Variants in BCAR1 observed in about 807,000 individuals in gnomAD.
The protein encoded by BCAR1 is breast cancer anti-estrogen resistance protein 1.
A neutral mutation model predicts 67.6 loss-of-function variants in BCAR1; 30 were observed. The ratio of observed to expected loss-of-function variants is 0.44; its 90% confidence interval spans 0.33 to 0.60. BCAR1 has a LOEUF of 0.60. BCAR1 is among the 20% of genes least tolerant of loss of function. The probability of loss-of-function intolerance (pLI) is 0.02; values close to 1 mark genes in which losing one functional copy is unlikely to be tolerated. For missense variants in BCAR1, 1,313 were observed against 1,222.3 expected (o/e 1.07, Z -1.11); for synonymous variants, 626 against 556.7 (o/e 1.12, Z -1.75).
intron 2 of BCAR1, chr16:75,237,951 T>C (rs2077200287): frequency 9.6e-7 from 1 of 1,046,706 alleles, no homozygotes; most frequent in South Asian, 1.4e-5. Context: ...GCGCAGCAGC[T>C]GGGACCAAGG....
chr16:75,243,468 G>T, intron 1 of BCAR1: 1 of 551,894 alleles, frequency 1.8e-6, no homozygotes, highest in Non-Finnish European at 3.5e-6. Context: ...AAAACAAATA[G>T]CAAATGGTTC....
At chr16:75,251,975 G>T, upstream of BCAR1, 1 of 602,310 alleles carries the variant, frequency 1.7e-6, no homozygotes, top group Non-Finnish European at 2.9e-6. Flanking sequence ...TTCCTCCAGA[G>T]CCGAGACATG....
intron 2 of BCAR1, among the ~76,000 whole-genome samples, chr16:75,241,693 T>C (rs1367785910): frequency 2.0e-5 from 3 of 152,138 alleles, no homozygotes; most frequent in African/African-American, 7.2e-5. Context: ...AGGCCACCCA[T>C]GGGCGGGGGT....
At chr16:75,256,444 A>T (rs1262677509), upstream of BCAR1, among the ~76,000 whole-genome samples, 1 of 151,132 alleles carries the variant, frequency 6.6e-6, no homozygotes, top group East Asian at 1.9e-4. Flanking sequence ...GCCAGTCCCC[A>T]GAGACCCGGG....
chr16:75,240,721 G>A (rs369827883), intron 2 of BCAR1, among the ~76,000 whole-genome samples: 3 of 152,316 alleles, frequency 2.0e-5, no homozygotes, highest in African/African-American at 4.8e-5. Context: ...GAGGTTTCCT[G>A]GGGGAGAGCA....
In BCAR1 at chr16:75,229,441, T is replaced by C. The variant is rs1039291429; in HGVS notation, c.*70A>G. On this transcript the variant is annotated 3_prime_UTR_variant, in exon 7 of 7. Coordinates refer to ENST00000162330, the MANE Select transcript of BCAR1 (RefSeq NM_014567.5). Reference sequence around the variant, plus strand: ...GTCCCTAAGCCTGTGGCACAGCGACTCTTGACATGGGAGCCAGGGAGCTGG... The same window carrying C: ...GTCCCTAAGCCTGTGGCACAGCGACCCTTGACATGGGAGCCAGGGAGCTGG... 23 of 1,450,616 alleles carry C rather than the reference T, an allele frequency of 1.6e-5. No individual in the cohort carries two copies. Among genetic ancestry groups the C allele is most frequent in the Non-Finnish European group, 2.1e-5 (23 of 1,103,068 alleles). The allele number at this position is 1,450,616 out of a possible 1,614,324, so 89.9% of individuals were successfully genotyped here.
At chr16:75,233,174 C>A (rs1326029081) in intron 6 of BCAR1, among the ~76,000 whole-genome samples, 2 of 152,100 alleles carry the variant, frequency 1.3e-5, no homozygotes, top group African/African-American at 4.8e-5. Flanking sequence ...GTGTTTGAGA[C>A]CAGCCTGGGC....
chr16:75,248,109 T>A lies in BCAR1; in HGVS notation c.12+3362A>T, dbSNP rs749574351. On this transcript the variant is annotated intron_variant, in intron 1 of 6. Transcript: ENST00000162330. ...TCAGAAGCTCCCTGACAGCCCAGGG[T>A]CACTGAGTCCAGAAGCAGCAGAGGC... 1.8e-5 allele frequency: 29 copies of A among 1,598,178 alleles called. 1 individual carries two copies. The Middle Eastern group carries it at 6.6e-4, about 36-fold the overall frequency.
At chr16:75,238,888 C>G (rs1265037379) in intron 2 of BCAR1, 1 of 985,290 alleles carries the variant, frequency 1.0e-6, no homozygotes, top group Non-Finnish European at 1.2e-6. Context: ...TCCCAGCCTC[C>G]CAAAGGCAGG....
Position 75,251,578 on chromosome 16 carries a change from C to T in BCAR1, c.-96G>A. 1 of 1,064,702 alleles carries T rather than the reference C, an allele frequency of 9.4e-7. No individual in the cohort carries two copies. The allele number at this position is 1,064,702 out of a possible 1,614,324, so 66.0% of individuals were successfully genotyped here. On this transcript the variant is annotated 5_prime_UTR_variant, in exon 1 of 7. Coordinates refer to ENST00000162330, the MANE Select transcript of BCAR1 (RefSeq NM_014567.5). Reference sequence around the variant, plus strand: ...GGGGCTCCGAGCGCGCCGCAGCCGCCCCGGTGCCGCCGCGCAGCTGCCGCC... The same window carrying T: ...GGGGCTCCGAGCGCGCCGCAGCCGCTCCGGTGCCGCCGCGCAGCTGCCGCC...
Position 75,228,908 on chromosome 16 carries a change from C to G in BCAR1, c.*603G>C, listed in dbSNP as rs987543714. On this transcript the variant is annotated 3_prime_UTR_variant, in exon 7 of 7. Coordinates refer to ENST00000162330, the MANE Select transcript of BCAR1 (RefSeq NM_014567.5). The stretch of plus-strand genomic sequence containing the variant: ...AGCCTCGGCGTTCCTTGGTTTTCTT[C>G]TAGAGAGACCCACTCCTCCTCTGCC... 1.3e-5 allele frequency: 2 copies of G among 152,512 alleles called. No homozygotes were observed. Among genetic ancestry groups the G allele is most frequent in the African/African-American group, 4.8e-5 (2 of 41,472 alleles). The allele number at this position is 152,512 out of a possible 1,614,324, so 9.4% of individuals were successfully genotyped here.
intron 2 of BCAR1, chr16:75,239,221 G>T (rs1339694064): frequency 8.7e-6 from 6 of 693,452 alleles, no homozygotes; most frequent in Non-Finnish European, 1.1e-5. Flanking sequence ...GACCCCACTA[G>T]CAGGCCGTGG....
rs1278240326 is a variant in BCAR1 at position 75,234,885 on chromosome 16, C to T, written c.2010+4G>A. On this transcript the variant is annotated splice_donor_region_variant and intron_variant, in intron 5 of 6. Transcript: ENST00000162330. The stretch of plus-strand genomic sequence containing the variant: ...GGAGCCGGGGCTGGGCAGGCGGCAC[C>T]CACCTGTAGGTGGACGTAGTCATAG... 1 of 1,524,732 alleles carries T rather than the reference C, an allele frequency of 6.6e-7. No individual in the cohort carries two copies. Among genetic ancestry groups the T allele is most frequent in the African/African-American group, 1.4e-5 (1 of 72,512 alleles). The allele number at this position is 1,524,732 out of a possible 1,614,324, so 94.5% of individuals were successfully genotyped here.
intron 1 of BCAR1, chr16:75,250,965 CCG>C: frequency 1.0e-6 from 1 of 985,664 alleles, no homozygotes; most frequent in Non-Finnish European, 1.2e-6. Flanking sequence ...GCCGGGTGCT[CCG>C]GCTGCGCAGC....
chr16:75,229,934 C>A lies in BCAR1; in HGVS notation c.2190G>T (p.Pro730=), dbSNP rs750619529. ...AGGGCCCCAGGCCGCCTGTTCGCCC[C>A]GGGGCCAGGGGTTGGGCTGGCGTCC... is the stretch of plus-strand genomic sequence containing the variant. The part of the protein sequence containing the change: ...ANWTPAQPLA[P]GRTGGLGPSD... Residue 730 remains proline (P), a synonymous_variant, in exon 7 of 7, where the codon CCG becomes CCT. Transcript: ENST00000162330. 1.2e-6 allele frequency: 2 copies of A among 1,604,816 alleles called. No homozygotes were observed. Among genetic ancestry groups the A allele is most frequent in the African/African-American group, 1.3e-5 (1 of 74,782 alleles).
intron 2 of BCAR1, 150 bp downstream of exon 2, chr16:75,242,320 C>T: frequency 8.0e-7 from 1 of 1,249,668 alleles, no homozygotes; most frequent in East Asian, 3.0e-5. Context: ...GAACACCCCC[C>T]AAACACTCAC....
chr16:75,236,639 C>T (rs139942113), intron 4 of BCAR1: 7 of 669,504 alleles, frequency 1.0e-5, no homozygotes, highest in African/African-American at 1.8e-5. Flanking sequence ...GGTCACCTTG[C>T]GGATACCCTC....
intron 3 of BCAR1, 64 bp downstream of exon 3, chr16:75,237,119 C>A: frequency 6.7e-7 from 1 of 1,501,310 alleles, no homozygotes; most frequent in East Asian, 2.4e-5. Flanking sequence ...GCTCTCGGCC[C>A]AGGGCCAAGC....
At chr16:75,254,879 G>C (rs888682026), upstream of BCAR1, among the ~76,000 whole-genome samples, 1 of 152,164 alleles carries the variant, frequency 6.6e-6, no homozygotes, top group African/African-American at 2.4e-5. Flanking sequence ...GGAGTGGAGG[G>C]GGTTATACTG....
Sources: gnomAD v4.1 joint callset for allele counts (sites outside exome capture counted in the v4.1 genomes callset) on GRCh38, gnomAD v4.1.1 for gene constraint, MANE v1.5 for transcripts, NCBI Gene and HGNC (gene_info 2026-07-23, HGNC 2026-07-21) for gene names.